Variants in LRRC7 observed in about 807,000 individuals in gnomAD.
LRRC7 encodes leucine rich repeat containing 7.
In LRRC7, 23 loss-of-function variants were observed where a neutral mutation model predicts 175.7. That is an observed-to-expected ratio of 0.13 (90% CI 0.09 to 0.19). The LOEUF is 0.19. Ranked by LOEUF, LRRC7 falls within the 10% of genes least tolerant of loss-of-function variation. LRRC7 has a pLI of 1.00. For missense variants in LRRC7, 1,354 were observed against 1,904.7 expected, an observed-to-expected ratio of 0.71 and a Z score of 5.38; for synonymous variants, 685 against 680.9, an observed-to-expected ratio of 1.01 and a Z score of -0.09.
At chr1:70,112,263 G>A (rs1665575427) in intron 26 of LRRC7, among the ~76,000 whole-genome samples, 1 of 152,040 alleles carries the variant, frequency 6.6e-6, no homozygotes, top group Non-Finnish European at 1.5e-5. Flanking sequence ...TTAGTTTTTG[G>A]TAAGTTGTTC....
chr1:69,666,898 T>C (rs898869755), intron 1 of LRRC7, among the ~76,000 whole-genome samples: 36 of 152,084 alleles, frequency 2.4e-4, no homozygotes, highest in African/African-American at 8.2e-4. Context: ...GATGCATCAT[T>C]AGGTTGTTTA....
chr1:70,134,625 CA>C lies in LRRC7; in HGVS notation c.*12746del, dbSNP rs902559708. The stretch of plus-strand genomic sequence containing the variant: ...ATTTATATCCTCTGGTGTTTTCCTC[CA>C]AAAAAAACAATTTCCTTCTAGCCAC... On this transcript the variant is annotated 3_prime_UTR_variant, in exon 27 of 27. Transcript: ENST00000651989. Among the ~76,000 whole-genome samples the C allele has an allele frequency of 2.0e-5, 3 of 151,510 alleles. No homozygotes were observed. The highest frequency in any genetic ancestry group is 2.9e-5 in the Non-Finnish European group (2 of 67,876).
intron 7 of LRRC7, among the ~76,000 whole-genome samples, chr1:69,923,789 A>T (rs1011955686): frequency 7.9e-5 from 12 of 152,004 alleles, no homozygotes; most frequent in African/African-American, 2.9e-4. Context: ...TTTGCTGTGC[A>T]GAAGCTCTTT....
At chr1:69,594,101 A>T (rs1463490112) in intron 1 of LRRC7, among the ~76,000 whole-genome samples, 1 of 152,250 alleles carries the variant, frequency 6.6e-6, no homozygotes, top group Admixed American at 6.5e-5. Flanking sequence ...AATAATTGGT[A>T]GGAGTTATTA....
chr1:69,918,811 T>C (rs1396480663), intron 7 of LRRC7, among the ~76,000 whole-genome samples: 1 of 152,080 alleles, frequency 6.6e-6, no homozygotes, highest in African/African-American at 2.4e-5. Context: ...AAAATTAAAA[T>C]AGAAGAAATG....
chr1:69,830,527 A>C (rs1235033941), intron 5 of LRRC7, among the ~76,000 whole-genome samples: 2 of 151,956 alleles, frequency 1.3e-5, no homozygotes, highest in East Asian at 3.9e-4. Flanking sequence ...AGTTTAAGAG[A>C]TTTTAAAAAT....
intron 5 of LRRC7, among the ~76,000 whole-genome samples, chr1:69,830,512 T>C (rs1039502001): frequency 6.6e-6 from 1 of 151,890 alleles, no homozygotes; most frequent in African/African-American, 2.4e-5. Context: ...AGTACAATAA[T>C]GGACAGTTTA....
rs767725934 is a variant in LRRC7 at position 70,039,186 on chromosome 1, A to G, written c.3362A>G (p.Glu1121Gly). Residue 1121 changes from glutamate to glycine, a missense_variant, in exon 21 of 27, where the codon GAG becomes GGG. Physicochemically the swap from Glu to Gly is moderately conservative, Grantham distance 98. This residue lies in a region of LRRC7 where 1,032 missense variants were observed against 1,227.2 expected (regional missense o/e 0.84). Transcript: ENST00000651989. ...GCTTACAGAGGATACCCACCGATGG[A>G]GCAAATGTTTTCATTTTCTCAGCCA... ...PRAYRGYPPM[E>G]QMFSFSQPSV... 1 of 1,614,172 alleles carries G rather than the reference A, an allele frequency of 6.2e-7. No individual in the cohort carries two copies. The highest frequency in any genetic ancestry group is 8.5e-7 in the Non-Finnish European group (1 of 1,180,014).
In LRRC7 at chr1:69,654,996, G is replaced by GT. The variant is rs145450915; in HGVS notation, c.3-23381dup. On this transcript the variant is annotated intron_variant, in intron 1 of 26. Transcript: ENST00000651989. Reference sequence around the variant, plus strand: ...CCTGTTGTCATTCATCATAACTGAGGTTTTCCCCTAAGCTGGTGCAATGTT... The same window carrying GT: ...CCTGTTGTCATTCATCATAACTGAGGTTTTTCCCCTAAGCTGGTGCAATGTT... Among the ~76,000 whole-genome samples, 986 of 152,108 alleles carry GT rather than the reference G, an allele frequency of 6.5e-3. 9 individuals carry two copies. The highest frequency in any genetic ancestry group is 0.021 in the African/African-American group (874 of 41,502).
chr1:69,693,346 G>A (rs1031640145), intron 2 of LRRC7, among the ~76,000 whole-genome samples: 2 of 152,112 alleles, frequency 1.3e-5, no homozygotes, highest in African/African-American at 2.4e-5. Context: ...ACTGTTCTCA[G>A]GAGAAACAGA....
At chr1:70,090,179 A>C (rs541266690) in intron 25 of LRRC7, among the ~76,000 whole-genome samples, 1 of 152,274 alleles carries the variant, frequency 6.6e-6, no homozygotes, top group Admixed American at 6.6e-5. Flanking sequence ...CTCGTAAGTC[A>C]CTTATTTAGG....
intron 2 of LRRC7, among the ~76,000 whole-genome samples, chr1:69,727,967 C>T (rs917326773): frequency 6.6e-6 from 1 of 152,134 alleles, no homozygotes; most frequent in African/African-American, 2.4e-5. Context: ...CTTATATCCT[C>T]GTGTCAACCA....
At chr1:69,921,163 A>T (rs1646876962) in intron 7 of LRRC7, among the ~76,000 whole-genome samples, 1 of 151,166 alleles carries the variant, frequency 6.6e-6, no homozygotes, top group Non-Finnish European at 1.5e-5. Context: ...ATTTGGAAAA[A>T]GTAACAATTC....
At chr1:69,917,561 T>C (rs1047502546) in intron 7 of LRRC7, among the ~76,000 whole-genome samples, 1 of 152,042 alleles carries the variant, frequency 6.6e-6, no homozygotes, top group Admixed American at 6.6e-5. Flanking sequence ...TCTGGAGACA[T>C]TGTGATGGTA....
intron 1 of LRRC7, among the ~76,000 whole-genome samples, chr1:69,647,995 G>A (rs1655243532): frequency 1.3e-5 from 2 of 151,850 alleles, no homozygotes; most frequent in African/African-American, 4.8e-5. Context: ...AATATAAAAT[G>A]TTTTCAAAAG....
chr1:69,746,023 C>A (rs1669219956), intron 2 of LRRC7, among the ~76,000 whole-genome samples: 1 of 151,532 alleles, frequency 6.6e-6, no homozygotes, highest in African/African-American at 2.4e-5. Flanking sequence ...TGCCAGTGTA[C>A]AAATACTCAT....
intron 3 of LRRC7, among the ~76,000 whole-genome samples, chr1:69,771,779 A>C (rs1391948919): frequency 6.6e-6 from 1 of 152,142 alleles, no homozygotes; most frequent in African/African-American, 2.4e-5. Context: ...GTAAATCAAC[A>C]AACAATTTAA....
chr1:69,677,096 C>T (rs1443767491), intron 1 of LRRC7, among the ~76,000 whole-genome samples: 1 of 148,362 alleles, frequency 6.7e-6, no homozygotes, highest in Non-Finnish European at 1.5e-5. Context: ...ATCCGAGTTA[C>T]TGAACATTAT....
intron 1 of LRRC7, among the ~76,000 whole-genome samples, chr1:69,606,216 C>T (rs528623022): frequency 5.8e-4 from 88 of 152,026 alleles, no homozygotes; most frequent in Non-Finnish European, 9.6e-4. Context: ...TTTGCTGAGG[C>T]ATCACACTGA....
Sources: allele counts gnomAD v4.1 joint callset (sites outside exome capture counted in the v4.1 genomes callset), GRCh38; gene constraint gnomAD v4.1.1; regional missense constraint gnomAD v4.1.1; transcripts MANE v1.5; gene names NCBI Gene and HGNC (gene_info 2026-07-23, HGNC 2026-07-21).